CTNNA3: variants seen among roughly 807,000 people sequenced by gnomAD.
CTNNA3 encodes catenin alpha 3.
In CTNNA3, 76 loss-of-function variants were observed where a neutral mutation model predicts 95.7. That is an observed-to-expected ratio of 0.79 (90% CI 0.66 to 0.96). The LOEUF is 0.96. Ranked by LOEUF, CTNNA3 falls within the 40% of genes least tolerant of loss-of-function variation. CTNNA3 has a pLI of 0.00. For synonymous variants in CTNNA3, 431 were observed against 374.4 expected (o/e 1.15, Z -1.74); for missense variants, 1,191 against 1,089.8 (o/e 1.09, Z -1.31).
rs375067707 is a variant in CTNNA3, at chr10:65,990,073, T to TGTGTG, written c.2160-1277_2160-1276insCACAC. On this transcript the variant is annotated intron_variant, in intron 15 of 17. Coordinates refer to ENST00000433211, the MANE Select transcript of CTNNA3 (RefSeq NM_013266.4). The stretch of plus-strand genomic sequence containing the variant: ...TAATGGCTGTGTTTCATTTTGTGTG[T>TGTGTG]AGTGTGTGTGTGTGTGTGTGTATAC... 1.5e-3 allele frequency among the ~76,000 whole-genome samples: 95 copies of TGTGTG among 64,902 alleles called. 1 individual carries two copies. The highest frequency in any genetic ancestry group is 3.6e-3 in the African/African-American group (82 of 22,970). The allele number at this position is 64,902 out of a possible 152,430, so 42.6% of individuals were successfully genotyped here. A position where few individuals can be genotyped will look rare whatever the true frequency, so the allele number is the denominator to read the frequency against.
intron 5 of CTNNA3, among the ~76,000 whole-genome samples, chr10:67,478,231 A>G (rs1473586461): frequency 6.6e-6 from 1 of 152,220 alleles, no homozygotes; most frequent in Non-Finnish European, 1.5e-5. Context: ...CTGTGAGAGG[A>G]GAAAAAGTAA....
intron 11 of CTNNA3, among the ~76,000 whole-genome samples, chr10:66,433,894 T>C (rs1040072352): frequency 1.3e-5 from 2 of 152,220 alleles, no homozygotes; most frequent in African/African-American, 4.8e-5. Flanking sequence ...TTTTATTAAA[T>C]AGGGAATCTT....
intron 1 of CTNNA3, among the ~76,000 whole-genome samples, chr10:67,741,319 A>T (rs12253938): frequency 1.3e-5 from 2 of 148,880 alleles, no homozygotes; most frequent in Non-Finnish European, 3.0e-5. Flanking sequence ...TAATAAAAAA[A>T]TAAAAAAATA....
At chr10:67,532,634 T>G (rs969367797) in intron 4 of CTNNA3, among the ~76,000 whole-genome samples, 2 of 152,130 alleles carry the variant, frequency 1.3e-5, no homozygotes, top group African/African-American at 4.8e-5. Context: ...ATAGTCAAAT[T>G]TCCCTTCATT....
At chr10:66,651,727 C>G (rs896508849) in intron 9 of CTNNA3, among the ~76,000 whole-genome samples, 1 of 152,126 alleles carries the variant, frequency 6.6e-6, no homozygotes. Context: ...CCTCACTGCT[C>G]GGGGCCTGCT....
intron 13 of CTNNA3, among the ~76,000 whole-genome samples, chr10:66,165,659 T>A (rs1298334566): frequency 6.6e-6 from 1 of 152,148 alleles, no homozygotes; most frequent in African/African-American, 2.4e-5. Flanking sequence ...GCACTATAGA[T>A]GTTCATTTAC....
At position 66,943,548 on chromosome 10, in the gene CTNNA3, C is replaced by T. The variant is rs574728255; in HGVS notation, c.1048-168024G>A. 6.0e-5 allele frequency among the ~76,000 whole-genome samples: 9 copies of T among 149,308 alleles called. 1 individual carries two copies. Among genetic ancestry groups the T allele is most frequent in the African/African-American group, 1.7e-4 (7 of 40,662 alleles). ...TTTTTTTTTTCAGTATTAGCATTGG[C>T]TTCCAGTTAACACTAAGCACAGCCT... is the stretch of plus-strand genomic sequence containing the variant. On this transcript the variant is annotated intron_variant, in intron 7 of 17. Coordinates refer to ENST00000433211, the MANE Select transcript of CTNNA3 (RefSeq NM_013266.4).
intron 5 of CTNNA3, among the ~76,000 whole-genome samples, chr10:67,510,124 C>T (rs1839565135): frequency 6.6e-6 from 1 of 151,884 alleles, no homozygotes; most frequent in African/African-American, 2.4e-5. Flanking sequence ...AAATTTTTTC[C>T]CATTCTGTAG....
At chr10:66,576,678 C>T (rs1384813176) in intron 10 of CTNNA3, among the ~76,000 whole-genome samples, 2 of 151,992 alleles carry the variant, frequency 1.3e-5, no homozygotes, top group Non-Finnish European at 2.9e-5. Context: ...TTTTTTATGG[C>T]TGTGCAGTAT....
At chr10:67,392,059 T>A (rs1844517402) in intron 5 of CTNNA3, among the ~76,000 whole-genome samples, 1 of 151,934 alleles carries the variant, frequency 6.6e-6, no homozygotes, top group African/African-American at 2.4e-5. Context: ...ACAAATGGGA[T>A]CTAATTAAAC....
chr10:67,008,662 G>T (rs1852147292), intron 7 of CTNNA3, among the ~76,000 whole-genome samples: 1 of 152,100 alleles, frequency 6.6e-6, no homozygotes, highest in South Asian at 2.1e-4. Context: ...GCTCTTACAA[G>T]CTTGTTGGAT....
At chr10:67,420,340 A>G (rs1200959992) in intron 5 of CTNNA3, among the ~76,000 whole-genome samples, 2 of 152,240 alleles carry the variant, frequency 1.3e-5, no homozygotes, top group African/African-American at 4.8e-5. Context: ...TAATTTTAAC[A>G]TATAGTACAA....
At chr10:67,640,037 T>C (rs1450859755) in intron 2 of CTNNA3, among the ~76,000 whole-genome samples, 1 of 152,156 alleles carries the variant, frequency 6.6e-6, no homozygotes. Context: ...TAAAGGGTAT[T>C]CAATTAGGAA....
At chr10:67,001,171 T>G (rs1273698362) in intron 7 of CTNNA3, among the ~76,000 whole-genome samples, 1 of 150,476 alleles carries the variant, frequency 6.6e-6, no homozygotes, top group Admixed American at 6.6e-5. Context: ...GGTGGTGGTG[T>G]GTGCCTGTAA....
intron 11 of CTNNA3, among the ~76,000 whole-genome samples, chr10:66,424,651 T>C (rs2093223823): frequency 6.6e-6 from 1 of 152,174 alleles, no homozygotes; most frequent in Admixed American, 6.6e-5. Context: ...ATGTAGTTTA[T>C]AGTGACCTCA....
chr10:66,821,664 G>A (rs1055815021), intron 7 of CTNNA3, among the ~76,000 whole-genome samples: 5 of 152,164 alleles, frequency 3.3e-5, no homozygotes, highest in Admixed American at 1.3e-4. Flanking sequence ...TATTTCTAGA[G>A]ACAGGAATGA....
At chr10:66,443,155 G>T (rs188688609) in intron 11 of CTNNA3, among the ~76,000 whole-genome samples, 459 of 152,246 alleles carry the variant, frequency 3.0e-3, no homozygotes, top group African/African-American at 0.01. Flanking sequence ...ACAAAGCAGC[G>T]GGGAAGCTCG....
intron 9 of CTNNA3, among the ~76,000 whole-genome samples, chr10:66,760,165 T>C (rs1397530042): frequency 1.3e-5 from 2 of 152,198 alleles, no homozygotes; most frequent in African/African-American, 4.8e-5. Context: ...AATTTTTGTA[T>C]TCAGATGCAA....
At position 67,539,406 on chromosome 10, in the gene CTNNA3, G is replaced by A. The variant is rs1402884003; in HGVS notation, c.459+97C>T. ...CTGAAGGGGTGATGTTAAGAAATGA[G>A]AGTGAAGCCAAGATGCACTAGGATC... On this transcript the variant is annotated intron_variant, in intron 4 of 17. Transcript: ENST00000433211. 4 of 1,301,542 alleles carry A rather than the reference G, an allele frequency of 3.1e-6. No individual in the cohort carries two copies. In the African/African-American group the frequency reaches 5.9e-5, roughly 19 times the overall value. The allele number at this position is 1,301,542 out of a possible 1,614,324, so 80.6% of individuals were successfully genotyped here.
Sources: gnomAD v4.1 joint callset for allele counts (sites outside exome capture counted in the v4.1 genomes callset) on GRCh38, gnomAD v4.1.1 for gene constraint, MANE v1.5 for transcripts, NCBI Gene and HGNC (gene_info 2026-07-23, HGNC 2026-07-21) for gene names.